RAPGEF5: variants seen among roughly 807,000 people sequenced by gnomAD.
The protein encoded by RAPGEF5 is M-Ras-regulated GEF.
Under a neutral mutation model 125.2 loss-of-function variants are expected in RAPGEF5, and 65 were observed. That is an observed-to-expected ratio of 0.52 (90% confidence interval 0.43 to 0.64). RAPGEF5 has a LOEUF of 0.64. RAPGEF5 is among the 30% of genes least tolerant of loss of function. The pLI is 0.00. For missense variants in RAPGEF5, 958 were observed against 1,048.1 expected (o/e 0.91, Z 1.19); for synonymous variants, 391 against 385.9 (o/e 1.01, Z -0.16).
chr7:22,166,303 G>A (rs1784163839), intron 12 of RAPGEF5, among the ~76,000 whole-genome samples: 1 of 151,674 alleles, frequency 6.6e-6, no homozygotes, highest in Non-Finnish European at 1.5e-5. Context: ...GGTTTAGAGT[G>A]GAATCTTCAG....
At chr7:22,128,027 T>G (rs1211826294) in intron 24 of RAPGEF5, among the ~76,000 whole-genome samples, 5 of 152,140 alleles carry the variant, frequency 3.3e-5, no homozygotes, top group African/African-American at 7.2e-5. Flanking sequence ...TTTTCCCAGG[T>G]CAGTTTTCTC....
chr7:22,137,118 C>G (rs1783104126), intron 21 of RAPGEF5, 135 bp from the exon 22 acceptor site: 1 of 661,174 alleles, frequency 1.5e-6, no homozygotes, highest in Non-Finnish European at 2.6e-6. Context: ...TCTGTTCAAT[C>G]CTGATTGCTT....
At chr7:22,254,143 A>G (rs767886438) in intron 7 of RAPGEF5, among the ~76,000 whole-genome samples, 5 of 152,076 alleles carry the variant, frequency 3.3e-5, no homozygotes, top group African/African-American at 1.2e-4. Flanking sequence ...AACCTCACAA[A>G]TGCCTCGCAT....
At chr7:22,335,069 C>T (rs1302304087) in intron 1 of RAPGEF5, among the ~76,000 whole-genome samples, 4 of 152,168 alleles carry the variant, frequency 2.6e-5, no homozygotes, top group Non-Finnish European at 5.9e-5. Context: ...TGTATCCTGC[C>T]CCAATAGCAA....
intron 17 of RAPGEF5, among the ~76,000 whole-genome samples, chr7:22,153,237 A>G (rs1562721861): frequency 1.3e-5 from 2 of 152,198 alleles, no homozygotes; most frequent in East Asian, 3.8e-4. Flanking sequence ...CTTAAGCTTA[A>G]TACTGCTTAA....
At chr7:22,266,884 C>A in intron 7 of RAPGEF5, 80 bp downstream of exon 7, 1 of 1,401,718 alleles carries the variant, frequency 7.1e-7, no homozygotes, top group South Asian at 1.2e-5. Flanking sequence ...GAGATACACT[C>A]AACTGCACAC....
chr7:22,260,113 G>T (rs1782113990), intron 7 of RAPGEF5, among the ~76,000 whole-genome samples: 1 of 152,068 alleles, frequency 6.6e-6, no homozygotes, highest in Non-Finnish European at 1.5e-5. Flanking sequence ...ATTAATGGTT[G>T]TAGTGGGTTA....
At chr7:22,316,071 A>AT (rs1375332814) in intron 2 of RAPGEF5, among the ~76,000 whole-genome samples, 1 of 152,190 alleles carries the variant, frequency 6.6e-6, no homozygotes, top group African/African-American at 2.4e-5. Context: ...CATTTAACTT[A>AT]TTTTTTTAAA....
chr7:22,193,541 C>G, intron 10 of RAPGEF5, 86 bp from the exon 11 acceptor site: 1 of 1,552,088 alleles, frequency 6.4e-7, no homozygotes, highest in Non-Finnish European at 8.7e-7. Flanking sequence ...TCCTCCTCGT[C>G]GATGTATTTG....
intron 3 of RAPGEF5, among the ~76,000 whole-genome samples, chr7:22,313,736 G>C (rs1413147163): frequency 6.6e-6 from 1 of 152,236 alleles, no homozygotes; most frequent in Non-Finnish European, 1.5e-5. Flanking sequence ...TGAATACTGT[G>C]AGCTTGCTCA....
chr7:22,328,761 T>C (rs1003722197), intron 1 of RAPGEF5, among the ~76,000 whole-genome samples: 1 of 152,206 alleles, frequency 6.6e-6, no homozygotes, highest in African/African-American at 2.4e-5. Context: ...CACCAATGAC[T>C]TATCAGATGT....
intron 12 of RAPGEF5, among the ~76,000 whole-genome samples, chr7:22,165,299 T>C (rs566469752): frequency 6.6e-6 from 1 of 152,272 alleles, no homozygotes; most frequent in Admixed American, 6.5e-5. Flanking sequence ...ACAAATAATA[T>C]TAGGATCATA....
intron 11 of RAPGEF5, among the ~76,000 whole-genome samples, chr7:22,182,947 C>CTAT (rs1784718230): frequency 6.6e-6 from 1 of 152,048 alleles, no homozygotes; most frequent in Non-Finnish European, 1.5e-5. Flanking sequence ...AAAGCAAGGA[C>CTAT]TATTATTAGG....
chr7:22,145,308 A>G, intron 19 of RAPGEF5, 86 bp from the exon 20 acceptor site: 1 of 1,296,120 alleles, frequency 7.7e-7, no homozygotes, highest in Non-Finnish European at 1.0e-6. Flanking sequence ...GAGCTACTTC[A>G]GGTAGTTCCT....
At chr7:22,123,986 G>C (rs185439195) in intron 25 of RAPGEF5, among the ~76,000 whole-genome samples, 4 of 152,322 alleles carry the variant, frequency 2.6e-5, no homozygotes, top group Admixed American at 2.6e-4. Flanking sequence ...CCGTTAAAAT[G>C]AATTCGGATA....
intron 11 of RAPGEF5, among the ~76,000 whole-genome samples, chr7:22,183,218 G>C (rs961599426): frequency 1.5e-5 from 2 of 132,070 alleles, no homozygotes; most frequent in Admixed American, 1.8e-4. Context: ...GCAGTGAGTC[G>C]AGATGGTGCC....
At chr7:22,234,294 G>A (rs879800839) in intron 7 of RAPGEF5, among the ~76,000 whole-genome samples, 11 of 152,118 alleles carry the variant, frequency 7.2e-5, no homozygotes, top group Non-Finnish European at 1.2e-4. Flanking sequence ...AAAGGAGGAA[G>A]GAGTTATTTA....
At chr7:22,220,108 G>T in intron 8 of RAPGEF5, 117 bp from the exon 9 acceptor site, 1 of 1,301,118 alleles carries the variant, frequency 7.7e-7, no homozygotes, top group South Asian at 1.5e-5. Context: ...ATTAAATCAT[G>T]GTCTTGGTAA....
At chr7:22,290,624 A>G (rs374804995) in intron 6 of RAPGEF5, among the ~76,000 whole-genome samples, 11 of 150,998 alleles carry the variant, frequency 7.3e-5, no homozygotes, top group African/African-American at 2.4e-4. Flanking sequence ...GGGCGCCTGT[A>G]GTCCCAGCTA....
Sources: allele counts gnomAD v4.1 joint callset (sites outside exome capture counted in the v4.1 genomes callset), GRCh38; gene constraint gnomAD v4.1.1; transcripts MANE v1.5; gene names NCBI Gene and HGNC (gene_info 2026-07-23, HGNC 2026-07-21).